The following EPG5 variants were observed in gnomAD, a reference collection of about 807,000 sequenced individuals.
EPG5 encodes ectopic P granules protein 5 homolog.
In EPG5, 159 loss-of-function variants were observed where a neutral mutation model predicts 302.7. That is an observed-to-expected ratio of 0.53 (90% CI 0.46 to 0.60). EPG5 has a LOEUF of 0.60. Among genes scored for constraint, EPG5 ranks in the 20% least tolerant of loss-of-function variants. The pLI is 0.00. For missense variants in EPG5, 2,896 were observed against 3,092.4 expected (o/e 0.94, Z 1.51); for synonymous variants, 1,158 against 1,136.8 (o/e 1.02, Z -0.37).
chr18:45,931,317 T>C (rs1208948344), intron 11 of EPG5, among the ~76,000 whole-genome samples: 1 of 152,180 alleles, frequency 6.6e-6, no homozygotes, highest in Non-Finnish European at 1.5e-5. Context: ...GAGATTTGCT[T>C]ATGAAGAAAA....
chr18:45,871,703 T>C (rs1020689987), intron 35 of EPG5, among the ~76,000 whole-genome samples: 1 of 152,184 alleles, frequency 6.6e-6, no homozygotes, highest in Non-Finnish European at 1.5e-5. Context: ...CCACATGCTC[T>C]TACTCATATG....
intron 34 of EPG5, among the ~76,000 whole-genome samples, chr18:45,876,760 TAACA>T (rs1170950782): frequency 1.3e-5 from 2 of 151,798 alleles, no homozygotes; most frequent in African/African-American, 4.8e-5. Context: ...GGCCAAATAT[TAACA>T]AATAGAAAAT....
chr18:45,823,860 T>C, the EPG5 span, among the ~76,000 whole-genome samples: 1 of 152,142 alleles, frequency 6.6e-6, no homozygotes, highest in Non-Finnish European at 1.5e-5. Context: ...TTCTTTCAAA[T>C]ACCTCTCCAG....
chr18:45,919,754 C>T (rs1472052376), intron 16 of EPG5, among the ~76,000 whole-genome samples: 5 of 151,894 alleles, frequency 3.3e-5, no homozygotes, highest in Admixed American at 1.3e-4. Flanking sequence ...CCTCGTGATC[C>T]GCCCGCCTCG....
the EPG5 span, among the ~76,000 whole-genome samples, chr18:45,807,461 C>A: frequency 6.6e-6 from 1 of 152,166 alleles, no homozygotes; most frequent in Non-Finnish European, 1.5e-5. Flanking sequence ...AGCTAAGAAC[C>A]CTCACAGAGT....
chr18:45,879,730 C>A (rs955425578), intron 32 of EPG5, among the ~76,000 whole-genome samples: 1 of 152,210 alleles, frequency 6.6e-6, no homozygotes, highest in African/African-American at 2.4e-5. Context: ...AATTCTCATG[C>A]AAATGCATAT....
intron 1 of EPG5, among the ~76,000 whole-genome samples, chr18:45,966,839 G>A (rs758723111): frequency 2.6e-5 from 4 of 152,226 alleles, no homozygotes; most frequent in Non-Finnish European, 5.9e-5. Context: ...AGAGTAAAGA[G>A]AGAGTCAACG....
At chr18:45,896,039 C>T (rs2049464408) in intron 27 of EPG5, among the ~76,000 whole-genome samples, 1 of 152,214 alleles carries the variant, frequency 6.6e-6, no homozygotes, top group African/African-American at 2.4e-5. Flanking sequence ...TTCAGCTTTC[C>T]TCTATCTTGC....
At chr18:45,864,018 C>A (rs2048689065) in intron 39 of EPG5, among the ~76,000 whole-genome samples, 1 of 152,082 alleles carries the variant, frequency 6.6e-6, no homozygotes, top group Non-Finnish European at 1.5e-5. Flanking sequence ...AGTTAAGTAT[C>A]TCCTCTCCTT....
At chr18:45,812,597 C>T in the EPG5 span, among the ~76,000 whole-genome samples, 3 of 152,020 alleles carry the variant, frequency 2.0e-5, no homozygotes, top group Admixed American at 6.6e-5. Flanking sequence ...CAGAACAGGG[C>T]CCTCAGAAAT....
chr18:45,834,076 G>A, the EPG5 span, among the ~76,000 whole-genome samples: 17 of 152,264 alleles, frequency 1.1e-4, no homozygotes, highest in East Asian at 2.9e-3. Flanking sequence ...GCTTTGCTCT[G>A]CTGTTCCCTT....
intron 30 of EPG5, among the ~76,000 whole-genome samples, chr18:45,884,280 G>A (rs951550306): frequency 6.6e-6 from 1 of 152,290 alleles, no homozygotes; most frequent in Middle Eastern, 3.4e-3. Flanking sequence ...GATATAGGTT[G>A]CATGCTCCAT....
intron 23 of EPG5, among the ~76,000 whole-genome samples, chr18:45,910,044 G>A (rs1460432873): frequency 6.6e-6 from 1 of 152,024 alleles, no homozygotes; most frequent in Non-Finnish European, 1.5e-5. Context: ...GGAGTACAGT[G>A]GCATGATTAT....
the EPG5 span, among the ~76,000 whole-genome samples, chr18:45,831,754 T>G: frequency 6.6e-6 from 1 of 151,840 alleles, no homozygotes; most frequent in Admixed American, 6.6e-5. Context: ...TTTTTTTTTT[T>G]TTGGCGGAGT....
intron 28 of EPG5, among the ~76,000 whole-genome samples, chr18:45,888,361 T>C (rs2049264137): frequency 1.3e-5 from 2 of 152,142 alleles, no homozygotes; most frequent in Admixed American, 1.3e-4. Flanking sequence ...TGGAGTGCAA[T>C]GGCGCAATCT....
intron 40 of EPG5, 138 bp downstream of exon 40, chr18:45,859,966 C>T (rs2048597497): frequency 8.9e-7 from 1 of 1,129,928 alleles, no homozygotes; most frequent in Admixed American, 2.3e-5. Context: ...TCAGAAACAT[C>T]CACAACATTT....
intron 28 of EPG5, among the ~76,000 whole-genome samples, chr18:45,889,393 C>T (rs889654961): frequency 1.3e-5 from 2 of 152,152 alleles, no homozygotes; most frequent in Admixed American, 6.5e-5. Flanking sequence ...AGGATAAGTT[C>T]CTGGGTAAAT....
chr18:45,822,349 C>T, the EPG5 span, among the ~76,000 whole-genome samples: 1 of 151,966 alleles, frequency 6.6e-6, no homozygotes, highest in African/African-American at 2.4e-5. Context: ...AAGTTGATCT[C>T]ATAGAAGTAA....
intron 6 of EPG5, among the ~76,000 whole-genome samples, chr18:45,947,825 T>C (rs1224587364): frequency 6.6e-6 from 1 of 152,024 alleles, no homozygotes; most frequent in Non-Finnish European, 1.5e-5. Flanking sequence ...CAGGCTGGAG[T>C]GCAGTGACAC....
Sources: allele counts gnomAD v4.1 joint callset (sites outside exome capture counted in the v4.1 genomes callset), GRCh38; gene constraint gnomAD v4.1.1; transcripts MANE v1.5; gene names NCBI Gene and HGNC (gene_info 2026-07-23, HGNC 2026-07-21).